The following PTPRD variants were observed in gnomAD, a reference collection of about 807,000 sequenced individuals.
The protein encoded by PTPRD is receptor-type tyrosine-protein phosphatase delta.
In PTPRD, 34 loss-of-function variants were observed where a neutral mutation model predicts 214.5. That is an observed-to-expected ratio of 0.16 (90% CI 0.12 to 0.21). PTPRD has a LOEUF of 0.21. Ranked by LOEUF, PTPRD falls within the 10% of genes least tolerant of loss-of-function variation. PTPRD has a pLI of 1.00. For missense variants in PTPRD, 2,545 were observed against 2,398.7 expected (o/e 1.06, Z -1.27); for synonymous variants, 1,128 against 845.7 (o/e 1.33, Z -5.79).
intron 2 of PTPRD, among the ~76,000 whole-genome samples, chr9:10,609,094 A>C (rs563746951): frequency 6.6e-6 from 1 of 152,200 alleles, no homozygotes; most frequent in East Asian, 1.9e-4. Context: ...GTTAAAGTTT[A>C]TTAAATTCAG....
At chr9:9,918,405 T>C (rs111904777) in intron 5 of PTPRD, among the ~76,000 whole-genome samples, 1,084 of 95,440 alleles carry the variant, frequency 0.011, 13 homozygotes, top group African/African-American at 0.038. Flanking sequence ...TTGATAAAAA[T>C]AATTGAAGAA....
intron 39 of PTPRD, among the ~76,000 whole-genome samples, chr9:8,370,243 T>A (rs1213667536): frequency 7.0e-6 from 1 of 142,808 alleles, no homozygotes; most frequent in African/African-American, 2.7e-5. Context: ...CACACATATA[T>A]ATATATGTGC....
At chr9:10,517,836 C>G (rs2050657388) in intron 2 of PTPRD, among the ~76,000 whole-genome samples, 1 of 151,714 alleles carries the variant, frequency 6.6e-6, no homozygotes, top group South Asian at 2.1e-4. Context: ...AGGTGTTTAC[C>G]TTTTGAATTT....
intron 2 of PTPRD, among the ~76,000 whole-genome samples, chr9:10,571,713 G>C (rs77484007): frequency 0.029 from 4,405 of 152,172 alleles, 221 homozygotes; most frequent in African/African-American, 0.1. Flanking sequence ...AGTTTTTCCG[G>C]GACTGGGGCA....
chr9:9,506,029 T>C (rs191272277), intron 8 of PTPRD, among the ~76,000 whole-genome samples: 81 of 151,574 alleles, frequency 5.3e-4, no homozygotes, highest in Non-Finnish European at 9.2e-4. Context: ...ATTCAAGACA[T>C]AGGGGCTTAA....
intron 9 of PTPRD, among the ~76,000 whole-genome samples, chr9:9,290,676 T>G (rs1208526889): frequency 6.6e-6 from 1 of 151,576 alleles, no homozygotes; most frequent in Admixed American, 6.6e-5. Flanking sequence ...ATGTAAATAC[T>G]TTGAATCAAT....
intron 4 of PTPRD, among the ~76,000 whole-genome samples, chr9:10,006,161 G>A (rs1420991672): frequency 6.6e-6 from 1 of 151,940 alleles, no homozygotes; most frequent in African/African-American, 2.4e-5. Context: ...CACTAAAAAT[G>A]TAAATAAGAG....
intron 5 of PTPRD, among the ~76,000 whole-genome samples, chr9:9,808,687 T>C (rs985045819): frequency 6.6e-6 from 1 of 152,172 alleles, no homozygotes; most frequent in Non-Finnish European, 1.5e-5. Context: ...TCCATTTATT[T>C]CCTCTAAAAA....
chr9:10,611,406 C>G (rs1429061616), intron 2 of PTPRD, among the ~76,000 whole-genome samples: 1 of 152,122 alleles, frequency 6.6e-6, no homozygotes, highest in Non-Finnish European at 1.5e-5. Flanking sequence ...TTGTGCAAAA[C>G]AAACTGAGTC....
intron 9 of PTPRD, among the ~76,000 whole-genome samples, chr9:9,332,716 T>G (rs966723449): frequency 6.6e-6 from 1 of 151,760 alleles, no homozygotes; most frequent in Non-Finnish European, 1.5e-5. Context: ...GTGCTTATAC[T>G]GAGATGGAAA....
chr9:9,798,622 T>A (rs192552293), intron 5 of PTPRD, among the ~76,000 whole-genome samples: 3 of 152,262 alleles, frequency 2.0e-5, no homozygotes, highest in Admixed American at 1.3e-4. Flanking sequence ...AGATGCCATA[T>A]TTTGGGGTAT....
At chr9:10,339,973 C>T (rs1346562587) in intron 3 of PTPRD, among the ~76,000 whole-genome samples, 1 of 151,714 alleles carries the variant, frequency 6.6e-6, no homozygotes, top group African/African-American at 2.4e-5. Flanking sequence ...TAGCATATGC[C>T]ATATTGACAA....
intron 35 of PTPRD, among the ~76,000 whole-genome samples, chr9:8,412,720 T>G (rs771649761): frequency 6.6e-6 from 1 of 152,208 alleles, no homozygotes; most frequent in Non-Finnish European, 1.5e-5. Context: ...GTGCCTTTTT[T>G]GATACTGAAG....
intron 11 of PTPRD, among the ~76,000 whole-genome samples, chr9:8,897,235 ACACT>A (rs1266401476): frequency 6.6e-6 from 1 of 152,184 alleles, no homozygotes. Flanking sequence ...TAAGTTGTAG[ACACT>A]CATCTCAAGG....
At chr9:9,590,812 A>T (rs676450) in intron 7 of PTPRD, among the ~76,000 whole-genome samples, 53,416 of 151,846 alleles carry the variant, frequency 0.35, 9,822 homozygotes, top group African/African-American at 0.42. Flanking sequence ...TTGTTTGCTT[A>T]ATGAAAGTCC....
chr9:10,016,827 G>C (rs2096727286), intron 4 of PTPRD, among the ~76,000 whole-genome samples: 1 of 151,994 alleles, frequency 6.6e-6, no homozygotes, highest in Non-Finnish European at 1.5e-5. Flanking sequence ...ATCATGTCTG[G>C]CTAATCTTTT....
At chr9:8,353,419 TGAA>T (rs2076041923) in intron 39 of PTPRD, among the ~76,000 whole-genome samples, 1 of 109,914 alleles carries the variant, frequency 9.1e-6, no homozygotes. Flanking sequence ...TATTTATTTA[TGAA>T]TGTATGAATG....
intron 5 of PTPRD, among the ~76,000 whole-genome samples, chr9:9,928,755 T>TCTACACACACAC (rs1555348332): frequency 1.8e-5 from 2 of 109,624 alleles, no homozygotes; most frequent in African/African-American, 7.4e-5. Flanking sequence ...TCTCTCTCTC[T>TCTACACACACAC]ATACACACAC....
chr9:8,339,224 T>C (rs1849986973), intron 42 of PTPRD, among the ~76,000 whole-genome samples, 177 bp from the exon 43 acceptor site: 3 of 152,140 alleles, frequency 2.0e-5, no homozygotes, highest in South Asian at 4.1e-4. Flanking sequence ...GCTCCCTTCA[T>C]AGGGAAACCC....
Sources: gnomAD v4.1 joint callset for allele counts (sites outside exome capture counted in the v4.1 genomes callset) on GRCh38, gnomAD v4.1.1 for gene constraint, MANE v1.5 for transcripts, NCBI Gene and HGNC (gene_info 2026-07-23, HGNC 2026-07-21) for gene names.